Variants in PTGR1 observed in about 807,000 individuals in gnomAD.
The protein encoded by PTGR1 is 15-oxoprostaglandin 13-reductase.
A neutral mutation model predicts 37.7 loss-of-function variants in PTGR1; 23 were observed. The observed-to-expected ratio is 0.61, with a 90% CI of 0.44 to 0.86. PTGR1 has a LOEUF of 0.86. PTGR1 is among the 40% of genes least tolerant of loss of function. The pLI is 0.00. For synonymous variants in PTGR1, 134 were observed against 140.0 expected (o/e 0.96, Z 0.30); for missense variants, 351 against 394.3 (o/e 0.89, Z 0.93).
chr9:111,550,878 T>C (rs1827921478), intron 9 of PTGR1, among the ~76,000 whole-genome samples: 1 of 152,248 alleles, frequency 6.6e-6, no homozygotes, highest in African/African-American at 2.4e-5. Flanking sequence ...TGTGTTATTC[T>C]GCTCCCTGCA....
chr9:111,556,187 A>T (rs1255368332), intron 9 of PTGR1, among the ~76,000 whole-genome samples: 1 of 152,206 alleles, frequency 6.6e-6, no homozygotes, highest in Non-Finnish European at 1.5e-5. Context: ...ATAGCTCCAT[A>T]ATAATCTTTG....
At chr9:111,562,174 A>T (rs1436932833), downstream of PTGR1, among the ~76,000 whole-genome samples, 1 of 152,024 alleles carries the variant, frequency 6.6e-6, no homozygotes, top group Non-Finnish European at 1.5e-5. Context: ...CGCCCGGCCT[A>T]TGCTGGTGTT....
intron 4 of PTGR1, among the ~76,000 whole-genome samples, chr9:111,588,510 G>A (rs1003885301): frequency 2.6e-5 from 4 of 151,028 alleles, no homozygotes; most frequent in Non-Finnish European, 4.4e-5. Flanking sequence ...GATTACAGGC[G>A]TGAGCCACGT....
At chr9:111,587,626 AT>A (rs1829478638) in intron 4 of PTGR1, among the ~76,000 whole-genome samples, 2 of 152,056 alleles carry the variant, frequency 1.3e-5, no homozygotes, top group East Asian at 3.9e-4. Flanking sequence ...TAATTTTTGT[AT>A]TTTTAGTAGA....
chr9:111,594,547 TTCTTTTTTTTTTTTTTTTTTTGAGAG>T (rs1564623495), intron 2 of PTGR1, among the ~76,000 whole-genome samples: 1 of 98,062 alleles, frequency 1.0e-5, no homozygotes, highest in African/African-American at 4.5e-5. Context: ...GTTTTTGGCA[TTCTTTTTTTTTTTTTTTTTTTGAGAG>T]GGAGTCTCGC....
chr9:111,555,836 A>G (rs1828106099), intron 9 of PTGR1, among the ~76,000 whole-genome samples: 1 of 152,212 alleles, frequency 6.6e-6, no homozygotes, highest in Non-Finnish European at 1.5e-5. Context: ...GTGGGGACAC[A>G]GAGCCAAACT....
chr9:111,576,322 AC>A, intron 7 of PTGR1: 3 of 1,604,658 alleles, frequency 1.9e-6, no homozygotes, highest in Non-Finnish European at 2.6e-6. Context: ...TTTATTTGTA[AC>A]CTCAAACCAG....
chr9:111,573,935 A>T (rs536399493), intron 8 of PTGR1, among the ~76,000 whole-genome samples: 6 of 152,122 alleles, frequency 3.9e-5, no homozygotes, highest in Non-Finnish European at 7.4e-5. Flanking sequence ...ACAATCAAGG[A>T]ATGGAGGGAA....
At chr9:111,566,845 A>T (rs531531029) in intron 9 of PTGR1, among the ~76,000 whole-genome samples, 1 of 152,268 alleles carries the variant, frequency 6.6e-6, no homozygotes, top group South Asian at 2.1e-4. Context: ...TATAGTATAT[A>T]TTATGTTAAA....
At chr9:111,560,126 A>C (rs964706842), downstream of PTGR1, among the ~76,000 whole-genome samples, 1 of 151,528 alleles carries the variant, frequency 6.6e-6, no homozygotes, top group Non-Finnish European at 1.5e-5. Context: ...TGGGTGGATC[A>C]CCTGAGGTCA....
At position 111,566,157 on chromosome 9, in the gene PTGR1, C is replaced by T. The variant is rs568862317; in HGVS notation, c.880-2926G>A. 3.9e-5 allele frequency among the ~76,000 whole-genome samples: 6 copies of T among 152,148 alleles called. No homozygotes were observed. The South Asian group carries it at 6.2e-4, about 16-fold the overall frequency. ...AGTAGAGGTTGCAGTGAGCTGAGAT[C>T]GCGCCACTGCACTCCAGCCTGGACG... On this transcript the variant is annotated intron_variant, in intron 9 of 9. Coordinates refer to ENST00000407693, the MANE Select transcript of PTGR1 (RefSeq NM_001146108.2).
chr9:111,574,806 T>G lies in PTGR1; in HGVS notation c.688A>C (p.Met230Leu). The G allele has an allele frequency of 6.2e-7, 1 of 1,613,900 alleles. No individual in the cohort carries two copies. Among genetic ancestry groups the G allele is most frequent in the Non-Finnish European group, 8.5e-7 (1 of 1,179,884 alleles). ...ATGGCAATCCTTCCAAATTTCTTCA[T>G]CTGGCCGATAACAGTGTTTGAAAAC... is the stretch of plus-strand genomic sequence containing the variant. Reference protein sequence around the residue: ...GEFSNTVIGQMKKFGRIAICG... With the variant: ...GEFSNTVIGQLKKFGRIAICG... Residue 230 changes from methionine (M) to leucine (L), a missense_variant, in exon 8 of 10, where the codon ATG becomes CTG. Physicochemically the swap from Met to Leu is conservative, Grantham distance 15. Transcript: ENST00000407693.
At chr9:111,567,293 T>C (rs1828606678) in intron 9 of PTGR1, among the ~76,000 whole-genome samples, 1 of 152,170 alleles carries the variant, frequency 6.6e-6, no homozygotes, top group African/African-American at 2.4e-5. Context: ...GTTCAAGCGA[T>C]TCTCCTGCCT....
chr9:111,552,101 TG>T (rs1217080163), intron 9 of PTGR1, among the ~76,000 whole-genome samples: 3 of 152,194 alleles, frequency 2.0e-5, no homozygotes, highest in Non-Finnish European at 2.9e-5. Context: ...ATATGCAGCG[TG>T]ATATTAGGGA....
At chr9:111,579,229 A>G (rs1203742243) in intron 6 of PTGR1, among the ~76,000 whole-genome samples, 1 of 151,864 alleles carries the variant, frequency 6.6e-6, no homozygotes, top group Non-Finnish European at 1.5e-5. Flanking sequence ...CAACCGATCC[A>G]TTTGACTTCC....
chr9:111,574,243 C>A (rs1828956918), intron 8 of PTGR1: 2 of 152,162 alleles, frequency 1.3e-5, no homozygotes, highest in African/African-American at 4.8e-5. Context: ...ATAACTGTTT[C>A]TTTTATATTT....
intron 7 of PTGR1, among the ~76,000 whole-genome samples, chr9:111,578,315 T>A (rs1829148784): frequency 6.8e-6 from 1 of 146,984 alleles, no homozygotes; most frequent in Non-Finnish European, 1.5e-5. Context: ...TATTGTGCAC[T>A]TTATTTCTAT....
chr9:111,594,171 A>T, intron 3 of PTGR1, 51 bp downstream of exon 3: 1 of 1,518,464 alleles, frequency 6.6e-7, no homozygotes, highest in Non-Finnish European at 9.1e-7. Flanking sequence ...AACTACTTCC[A>T]GATAGCATTT....
chr9:111,584,924 G>A (rs1829387495), intron 5 of PTGR1, among the ~76,000 whole-genome samples: 1 of 152,168 alleles, frequency 6.6e-6, no homozygotes, highest in Non-Finnish European at 1.5e-5. Context: ...TAGAAATGAA[G>A]TTCAGTAGTG....
Sources: gnomAD v4.1 joint callset for allele counts (sites outside exome capture counted in the v4.1 genomes callset) on GRCh38, gnomAD v4.1.1 for gene constraint, MANE v1.5 for transcripts, NCBI Gene and HGNC (gene_info 2026-07-23, HGNC 2026-07-21) for gene names.